PCDHGB7: variants seen among roughly 807,000 people sequenced by gnomAD.
PCDHGB7 encodes protocadherin gamma-B7.
A neutral mutation model predicts 61.4 loss-of-function variants in PCDHGB7; 37 were observed. That is an observed-to-expected ratio of 0.60 (90% CI 0.46 to 0.79). The LOEUF (loss-of-function observed/expected upper bound fraction) is 0.79. Ranked by LOEUF, PCDHGB7 falls within the 30% of genes least tolerant of loss-of-function variation. The pLI, the probability that PCDHGB7 is intolerant of heterozygous loss-of-function variation, is 0.00. For synonymous variants in PCDHGB7, 464 were observed against 503.5 expected, an observed-to-expected ratio of 0.92 and a Z score of 1.05; for missense variants, 1,166 against 1,202.5, an observed-to-expected ratio of 0.97 and a Z score of 0.45.
At position 141,447,890 on chromosome 5, in the gene PCDHGB7, A is replaced by AC. The variant is rs1252174829; in HGVS notation, c.2415+27616_2415+27617insC. On this transcript the variant is annotated intron_variant, in intron 1 of 3. Transcript: ENST00000398594. ...CATCTGAGGTCAGGAGTTCGAGACCAGCCTGGCCAACATGGTGAAACTCTG... is the reference window on the plus strand; with the variant it reads ...CATCTGAGGTCAGGAGTTCGAGACCACGCCTGGCCAACATGGTGAAACTCTG... 1.3e-5 allele frequency among the ~76,000 whole-genome samples: 2 copies of AC among 152,146 alleles called. 1 individual carries two copies. The highest frequency in any genetic ancestry group is 4.8e-5 in the African/African-American group (2 of 41,434).
Position 141,477,686 on chromosome 5 carries a change from C to T in PCDHGB7, c.2416-17121C>T, listed in dbSNP as rs201090822. Reference sequence around the variant, plus strand: ...CAATGGCATAGTGTCATCCTTAGTGCCCCTAGACTATGAGGATCGGCGGGA... The same window carrying T: ...CAATGGCATAGTGTCATCCTTAGTGTCCCTAGACTATGAGGATCGGCGGGA... On this transcript the variant is annotated intron_variant, in intron 1 of 3. Coordinates refer to ENST00000398594, the MANE Select transcript of PCDHGB7 (RefSeq NM_018927.4). This position sits in a 1 kb window ranked among gnomAD's most constrained non-coding sequence, Gnocchi z 4.9. The T allele has an allele frequency of 4.3e-6, 7 of 1,614,024 alleles. No homozygotes were observed. The highest frequency in any genetic ancestry group is 1.6e-4 in the Middle Eastern group (1 of 6,084).
At chr5:141,447,768 T>C (rs1392134454) in intron 1 of PCDHGB7, among the ~76,000 whole-genome samples, 1 of 152,212 alleles carries the variant, frequency 6.6e-6, no homozygotes, top group East Asian at 1.9e-4. Context: ...ATATAAATTA[T>C]ACTTTAATTG....
intron 1 of PCDHGB7, among the ~76,000 whole-genome samples, chr5:141,488,350 C>G (rs1191478919): frequency 6.6e-6 from 1 of 152,176 alleles, no homozygotes; most frequent in Non-Finnish European, 1.5e-5. Context: ...GAAACAGCCA[C>G]CCTGTGCATC....
At chr5:141,482,572 T>C (rs1367788391) in intron 1 of PCDHGB7, among the ~76,000 whole-genome samples, 1 of 137,636 alleles carries the variant, frequency 7.3e-6, no homozygotes, top group Admixed American at 7.3e-5. Context: ...CTGCATAGCA[T>C]AAGATGCAGT....
chr5:141,464,583 C>T (rs768431243), intron 1 of PCDHGB7, among the ~76,000 whole-genome samples: 6 of 152,024 alleles, frequency 3.9e-5, no homozygotes, highest in Admixed American at 2.0e-4. Context: ...TGAGAATGTC[C>T]ATTGTCCCAT....
chr5:141,505,322 G>A, intron 2 of PCDHGB7, 71 bp from the exon 3 acceptor site: 1 of 1,606,332 alleles, frequency 6.2e-7, no homozygotes, highest in African/African-American at 1.3e-5. Context: ...TGGGAGCCCT[G>A]GGAGAGGACA....
intron 3 of PCDHGB7, among the ~76,000 whole-genome samples, chr5:141,510,538 G>A (rs1423013528): frequency 1.3e-5 from 2 of 152,216 alleles, no homozygotes; most frequent in East Asian, 1.9e-4. Context: ...AAATACCAGC[G>A]AATGTGTTTT....
In PCDHGB7 at chr5:141,431,048, A is replaced by T; in HGVS notation, c.2415+10774A>T. On this transcript the variant is annotated intron_variant, in intron 1 of 3. Transcript: ENST00000398594. This position sits in a 1 kb window ranked among gnomAD's most constrained non-coding sequence, Gnocchi z 4.8. ...CAGGATAGACCGGGAGGAGCTCTGT[A>T]TGGGGGCCATCAAGTGTCAATTAAA... 6.2e-7 allele frequency: 1 copy of T among 1,614,180 alleles called. No homozygotes were observed. The highest frequency in any genetic ancestry group is 1.1e-5 in the South Asian group (1 of 91,088).
intron 2 of PCDHGB7, among the ~76,000 whole-genome samples, chr5:141,501,942 C>T (rs1012840550): frequency 2.6e-5 from 4 of 152,136 alleles, no homozygotes; most frequent in Non-Finnish European, 4.4e-5. Context: ...CACCACTGCT[C>T]CCTGTGACAG....
chr5:141,500,345 A>G (rs1459262760), intron 2 of PCDHGB7, among the ~76,000 whole-genome samples: 3 of 151,916 alleles, frequency 2.0e-5, no homozygotes, highest in Non-Finnish European at 4.4e-5. Context: ...AATAGCTGGG[A>G]CTACAGGCGC....
At chr5:141,484,621 T>C (rs2099598239) in intron 1 of PCDHGB7, among the ~76,000 whole-genome samples, 1 of 152,058 alleles carries the variant, frequency 6.6e-6, no homozygotes, top group Admixed American at 6.6e-5. Flanking sequence ...CAACACTGGC[T>C]TGAACAAAGT....
At chr5:141,456,492 G>C (rs542424798) in intron 1 of PCDHGB7, among the ~76,000 whole-genome samples, 1 of 152,284 alleles carries the variant, frequency 6.6e-6, no homozygotes, top group African/African-American at 2.4e-5. Flanking sequence ...GCTTAATAAA[G>C]GGGTTAACCA....
intron 2 of PCDHGB7, among the ~76,000 whole-genome samples, chr5:141,501,159 C>G (rs1475164887): frequency 6.6e-6 from 1 of 152,096 alleles, no homozygotes; most frequent in East Asian, 1.9e-4. Context: ...GAGCCACCAT[C>G]CCCAGCCTCA....
At position 141,431,017 on chromosome 5, in the gene PCDHGB7, G is replaced by A. The variant is rs768036730; in HGVS notation, c.2415+10743G>A. 2.5e-6 allele frequency: 4 copies of A among 1,613,768 alleles called. No homozygotes were observed. Among genetic ancestry groups the A allele is most frequent in the South Asian group, 1.1e-5 (1 of 91,084 alleles). ...ATCCGCGCAGCGGCAGCTTGGTCAC[G>A]GCGGGCAGGATAGACCGGGAGGAGC... On this transcript the variant is annotated intron_variant, in intron 1 of 3. Transcript: ENST00000398594. This position sits in a 1 kb window ranked among gnomAD's most constrained non-coding sequence, Gnocchi z 4.8.
Position 141,472,217 on chromosome 5 carries a change from C to T in PCDHGB7, c.2416-22590C>T, listed in dbSNP as rs181908144. On this transcript the variant is annotated intron_variant, in intron 1 of 3. Transcript: ENST00000398594. ...CTTTTTGACACTAAGACCTTACTCTCGATCATATAATACATTCACTTTCTA... is the reference window on the plus strand; with the variant it reads ...CTTTTTGACACTAAGACCTTACTCTTGATCATATAATACATTCACTTTCTA... Among the ~76,000 whole-genome samples the T allele has an allele frequency of 3.1e-4, 47 of 152,234 alleles. 1 individual carries two copies. The highest frequency in any genetic ancestry group is 1.1e-3 in the African/African-American group (44 of 41,538).
At position 141,476,002 on chromosome 5, in the gene PCDHGB7, C is replaced by A; in HGVS notation, c.2416-18805C>A. 1 of 1,247,396 alleles carries A rather than the reference C, an allele frequency of 8.0e-7. No individual in the cohort carries two copies. Among genetic ancestry groups the A allele is most frequent in the Non-Finnish European group, 1.1e-6 (1 of 904,880 alleles). 77.3% of individuals were successfully genotyped at this position (1,247,396 alleles called of 1,614,324 possible). ...AGCCGGCGAGCAAATCAACGGCATC[C>A]AGAAAGCCATGTCGGACTCGGCGCC... On this transcript the variant is annotated intron_variant, in intron 1 of 3. Transcript: ENST00000398594. This position sits in a 1 kb window ranked among gnomAD's most constrained non-coding sequence, Gnocchi z 7.6.
At chr5:141,433,285 C>G in intron 1 of PCDHGB7, 1 of 1,169,826 alleles carries the variant, frequency 8.5e-7, no homozygotes, top group Non-Finnish European at 1.2e-6. Flanking sequence ...CCTCAAACTC[C>G]TAGGCTCAAG....
At chr5:141,496,121 C>G (rs1391009290) in intron 2 of PCDHGB7, among the ~76,000 whole-genome samples, 1 of 152,088 alleles carries the variant, frequency 6.6e-6, no homozygotes, top group Non-Finnish European at 1.5e-5. Context: ...TCCTTCCCTG[C>G]CCCTCACACA....
intron 1 of PCDHGB7, among the ~76,000 whole-genome samples, chr5:141,444,463 G>T (rs570185430): frequency 6.6e-6 from 1 of 152,144 alleles, no homozygotes; most frequent in Admixed American, 6.5e-5. Flanking sequence ...GAGTCACTGC[G>T]CCCGGTCGCG....
Sources: gnomAD v4.1 joint callset for allele counts (sites outside exome capture counted in the v4.1 genomes callset) on GRCh38, gnomAD v4.1.1 for gene constraint, Gnocchi (gnomAD v3.1) non-coding constraint, MANE v1.5 for transcripts, NCBI Gene and HGNC (gene_info 2026-07-23, HGNC 2026-07-21) for gene names.